Variants in SPARCL1 observed in about 807,000 individuals in gnomAD.
SPARCL1 encodes SPARC-like protein 1.
Under a neutral mutation model 67.1 loss-of-function variants are expected in SPARCL1, and 52 were observed. That is an observed-to-expected ratio of 0.78 (90% CI 0.62 to 0.98). The LOEUF (loss-of-function observed/expected upper bound fraction) is 0.98, where lower values mean the gene tolerates loss of function less well. Ranked by LOEUF, SPARCL1 falls within the 50% of genes least tolerant of loss-of-function variation. The probability of loss-of-function intolerance (pLI) is 0.00; values close to 1 mark genes in which losing one functional copy is unlikely to be tolerated. For missense variants in SPARCL1, 717 were observed against 782.4 expected (o/e 0.92, Z 1.00); for synonymous variants, 226 against 267.8 (o/e 0.84, Z 1.52).
rs1560819668 is a variant in SPARCL1, at chr4:87,494,597, G to A, written c.203C>T (p.Ala68Val). The change falls in exon 4 of 11, where the codon GCT becomes GTT. Residue 68 changes from alanine to valine, a missense_variant and splice_region_variant. Coordinates refer to ENST00000282470, the MANE Select transcript of SPARCL1 (RefSeq NM_004684.6). ...TGACTTTAGTACTGATGATTTTTCA[G>A]CCTTAAAAGAAAAAAAAGTTCATTC... ...VSTEDDSHHK[A>V]EKSSVLKSKE... 7.7e-6 allele frequency: 12 copies of A among 1,559,136 alleles called. No homozygotes were observed. The highest frequency in any genetic ancestry group is 9.5e-6 in the Non-Finnish European group (11 of 1,158,242).
At chr4:87,499,160 G>A (rs1724744924) in intron 2 of SPARCL1, among the ~76,000 whole-genome samples, 1 of 152,166 alleles carries the variant, frequency 6.6e-6, no homozygotes, top group Admixed American at 6.5e-5. Context: ...ACAGGCGTGA[G>A]CCACCGCACC....
intron 7 of SPARCL1, among the ~76,000 whole-genome samples, chr4:87,484,974 A>G (rs1416684173): frequency 6.6e-6 from 1 of 151,968 alleles, no homozygotes; most frequent in African/African-American, 2.4e-5. Context: ...GACTGAGATG[A>G]TGGGGTTTTC....
rs925437288 is a variant in SPARCL1 at position 87,499,527 on chromosome 4, T to C, written c.48A>G (p.Ala16=). Residue 16 remains alanine, a synonymous_variant, in exon 2 of 11, where the codon GCA becomes GCG. Transcript: ENST00000282470. ...CAGAAGAAAGGAAATTTACCGGGAT[T>C]GCAGCTGCAGTTCCCAAGAGACATA... ...FFLCLLGTAA[A]IPTNARLLSD... is the part of the protein sequence containing the mutation. The C allele has an allele frequency of 6.2e-7, 1 of 1,603,352 alleles. No homozygotes were observed. The highest frequency in any genetic ancestry group is 1.3e-5 in the African/African-American group (1 of 74,196).
intron 7 of SPARCL1, among the ~76,000 whole-genome samples, chr4:87,485,389 A>G (rs1724008631): frequency 6.6e-6 from 1 of 152,142 alleles, no homozygotes; most frequent in African/African-American, 2.4e-5. Context: ...CGTATGTTGA[A>G]CCATCCTTGC....
chr4:87,515,758 A>G (rs1725556768), intron 1 of SPARCL1, among the ~76,000 whole-genome samples: 1 of 152,246 alleles, frequency 6.6e-6, no homozygotes. Flanking sequence ...CATTAAAACA[A>G]ATCTCCAGAG....
At position 87,493,755 on chromosome 4, in the gene SPARCL1, C is replaced by T. The variant is rs777300134; in HGVS notation, c.1045G>A (p.Gly349Ser). ...GCACTGTGCCTGGGGCCATCAGTGC[C>T]GCCATCATCGCCATCATCATCGCCA... ...DDGDDDGDDG[G>S]TDGPRHSASD... Residue 349 changes from glycine to serine, a missense_variant, in exon 4 of 11, where the codon GGC becomes AGC. By Grantham distance (56) the Gly-to-Ser change is moderately conservative (BLOSUM62 0). Coordinates refer to ENST00000282470, the MANE Select transcript of SPARCL1 (RefSeq NM_004684.6). 3.7e-6 allele frequency: 6 copies of T among 1,613,902 alleles called. No homozygotes were observed. The highest frequency in any genetic ancestry group is 2.2e-5 in the East Asian group (1 of 44,874).
chr4:87,482,318 T>C (rs1023973055), intron 8 of SPARCL1, 106 bp downstream of exon 8: 1 of 1,190,824 alleles, frequency 8.4e-7, no homozygotes, highest in Non-Finnish European at 1.2e-6. Context: ...TGGGGAAGCA[T>C]AGTGGGCTTT....
intron 1 of SPARCL1, among the ~76,000 whole-genome samples, chr4:87,504,185 T>TGGGGG (rs1553970330): frequency 1.3e-3 from 24 of 18,984 alleles, no homozygotes; most frequent in Middle Eastern, 0.038. Context: ...GTGTGTGTGG[T>TGGGGG]GGGGTGGGGG....
chr4:87,526,824 C>T (rs189373621), intron 1 of SPARCL1, among the ~76,000 whole-genome samples: 13 of 152,304 alleles, frequency 8.5e-5, no homozygotes, highest in East Asian at 3.9e-4. Flanking sequence ...ATATTATCTA[C>T]GATTGATTGA....
chr4:87,474,900 G>A (rs905271299), intron 10 of SPARCL1, among the ~76,000 whole-genome samples: 1 of 151,884 alleles, frequency 6.6e-6, no homozygotes. Flanking sequence ...CCGCCACCAC[G>A]CCCGGCTAAT....
intron 1 of SPARCL1, among the ~76,000 whole-genome samples, chr4:87,509,742 A>G (rs1725265515): frequency 6.6e-6 from 1 of 152,236 alleles, no homozygotes; most frequent in Non-Finnish European, 1.5e-5. Context: ...TTCCAGCCAT[A>G]GAGCTATAGG....
intron 1 of SPARCL1, among the ~76,000 whole-genome samples, chr4:87,526,157 A>T (rs1414481144): frequency 6.6e-6 from 1 of 152,196 alleles, no homozygotes; most frequent in Admixed American, 6.5e-5. Context: ...GCTGGCATAG[A>T]ACACTTTCTT....
chr4:87,476,471 C>A (rs1578091269), intron 10 of SPARCL1, among the ~76,000 whole-genome samples: 1 of 152,126 alleles, frequency 6.6e-6, no homozygotes, highest in Non-Finnish European at 1.5e-5. Flanking sequence ...CACAATGTAA[C>A]CAGGAGAATC....
At chr4:87,495,893 T>C (rs1724595088) in intron 2 of SPARCL1, among the ~76,000 whole-genome samples, 1 of 152,190 alleles carries the variant, frequency 6.6e-6, no homozygotes, top group Non-Finnish European at 1.5e-5. Flanking sequence ...ATTGTGCCAT[T>C]GCACTCCAGC....
chr4:87,526,061 T>C (rs1726027347), intron 1 of SPARCL1, among the ~76,000 whole-genome samples: 1 of 152,168 alleles, frequency 6.6e-6, no homozygotes, highest in African/African-American at 2.4e-5. Context: ...AGAAGAAATG[T>C]TGGGGGCTTT....
Position 87,494,640 on chromosome 4 carries a change from G to A in SPARCL1, c.202-42C>T, listed in dbSNP as rs1222892423. 2.0e-6 allele frequency: 3 copies of A among 1,464,138 alleles called. No homozygotes were observed. In the African/African-American group the frequency reaches 4.3e-5, roughly 21 times the overall value. The allele number at this position is 1,464,138 out of a possible 1,614,324, so 90.7% of individuals were successfully genotyped here. Reference sequence around the variant, plus strand: ...GTTCATTCTTCAAACAAATGATAATGTAACCATATTTATGCCTAAGGTAAC... The same window carrying A: ...GTTCATTCTTCAAACAAATGATAATATAACCATATTTATGCCTAAGGTAAC... On this transcript the variant is annotated intron_variant, in intron 3 of 10. Coordinates refer to ENST00000282470, the MANE Select transcript of SPARCL1 (RefSeq NM_004684.6).
At chr4:87,528,304 C>T (rs1248230194) in intron 1 of SPARCL1, 3 of 151,964 alleles carry the variant, frequency 2.0e-5, no homozygotes, top group Non-Finnish European at 2.9e-5. Context: ...AATGGTAGTA[C>T]ATTATAATAT....
At chr4:87,488,564 A>G (rs1347578787) in intron 7 of SPARCL1, among the ~76,000 whole-genome samples, 1 of 152,222 alleles carries the variant, frequency 6.6e-6, no homozygotes, top group Non-Finnish European at 1.5e-5. Context: ...GTCAGGAGGC[A>G]TGGGGGTCAG....
intron 4 of SPARCL1, among the ~76,000 whole-genome samples, chr4:87,492,245 C>G (rs1450507383): frequency 1.3e-5 from 2 of 152,038 alleles, no homozygotes; most frequent in African/African-American, 4.8e-5. Context: ...AGGTGAAACC[C>G]TGTCTCTACT....
Sources: gnomAD v4.1 joint callset for allele counts (sites outside exome capture counted in the v4.1 genomes callset) on GRCh38, gnomAD v4.1.1 for gene constraint, MANE v1.5 for transcripts, NCBI Gene and HGNC (gene_info 2026-07-23, HGNC 2026-07-21) for gene names.